AKT3: variants seen among roughly 807,000 people sequenced by gnomAD.
AKT3 encodes the protein AKT serine/threonine kinase 3.
A neutral mutation model predicts 65.3 loss-of-function variants in AKT3; 15 were observed. The observed-to-expected ratio is 0.23, with a 90% CI of 0.15 to 0.35. AKT3 has a LOEUF of 0.35. Ranked by LOEUF, AKT3 falls within the 10% of genes least tolerant of loss-of-function variation. The pLI is 1.00. For synonymous variants in AKT3, 206 were observed against 183.8 expected (o/e 1.12, Z -0.98); for missense variants, 243 against 576.5 (o/e 0.42, Z 5.92).
At chr1:243,848,563 G>C (rs534107186) in intron 1 of AKT3, among the ~76,000 whole-genome samples, 2 of 152,230 alleles carry the variant, frequency 1.3e-5, no homozygotes, top group Admixed American at 1.3e-4. Context: ...CTAAACCAAT[G>C]AGTTTCACTC....
At chr1:243,700,220 T>C (rs1366606824) in intron 2 of AKT3, among the ~76,000 whole-genome samples, 1 of 152,182 alleles carries the variant, frequency 6.6e-6, no homozygotes, top group African/African-American at 2.4e-5. Context: ...TAGCACCTTC[T>C]GAATGCAAAG....
In AKT3 at chr1:243,693,244, A is replaced by ATATATT. The variant is rs1491275951; in HGVS notation, c.172+2346_172+2347insAATATA. On this transcript the variant is annotated intron_variant, in intron 3 of 13. Transcript: ENST00000673466. ...ATATCCCTTTGGTAGCTACAATTTG[A>ATATATT]TATATATATATATATATATATATAT... 4.4e-4 allele frequency among the ~76,000 whole-genome samples: 6 copies of ATATATT among 13,620 alleles called. No individual in the cohort carries two copies. In the East Asian group the frequency reaches 0.017, roughly 39 times the overall value. 8.9% of individuals were successfully genotyped at this position (13,620 alleles called of 152,430 possible).
chr1:243,848,419 A>T (rs1233050275), intron 1 of AKT3, among the ~76,000 whole-genome samples: 1 of 152,222 alleles, frequency 6.6e-6, no homozygotes. Flanking sequence ...TGTTTTAGAC[A>T]ACCACCCCCG....
intron 2 of AKT3, among the ~76,000 whole-genome samples, chr1:243,769,150 T>C (rs1572314754): frequency 6.6e-6 from 1 of 152,308 alleles, no homozygotes; most frequent in East Asian, 1.9e-4. Flanking sequence ...TTCAAGGTTA[T>C]TTCATTTCTT....
chr1:243,649,376 G>GTA (rs1436144491), intron 4 of AKT3, among the ~76,000 whole-genome samples: 34 of 150,222 alleles, frequency 2.3e-4, no homozygotes, highest in Middle Eastern at 3.4e-3. Context: ...GTGTGTGTGT[G>GTA]TGTATATATA....
At chr1:243,547,969 G>T (rs1672791484) in intron 11 of AKT3, 1 of 152,200 alleles carries the variant, frequency 6.6e-6, no homozygotes, top group Non-Finnish European at 1.5e-5. Flanking sequence ...TCTGTGTTCA[G>T]TGAGAGCTCA....
chr1:243,700,652 C>T (rs1685390740), intron 2 of AKT3, among the ~76,000 whole-genome samples: 1 of 152,072 alleles, frequency 6.6e-6, no homozygotes. Context: ...TACAGGTGCG[C>T]ACCACCACAC....
At chr1:243,689,716 A>C (rs1437363907) in intron 3 of AKT3, among the ~76,000 whole-genome samples, 9 of 152,088 alleles carry the variant, frequency 5.9e-5, no homozygotes, top group Admixed American at 5.9e-4. Context: ...GCACTTTGGG[A>C]GGCCAAGGTG....
intron 10 of AKT3, among the ~76,000 whole-genome samples, chr1:243,553,963 CA>C (rs1314480003): frequency 2.0e-5 from 3 of 152,240 alleles, no homozygotes; most frequent in Admixed American, 2.0e-4. Flanking sequence ...ATGAATTTAT[CA>C]ATTTAAAAAC....
chr1:243,739,575 C>T (rs905699078), intron 2 of AKT3: 1 of 152,192 alleles, frequency 6.6e-6, no homozygotes, highest in Non-Finnish European at 1.5e-5. Flanking sequence ...TTGAACAGTA[C>T]AAATGTAGGT....
intron 2 of AKT3, among the ~76,000 whole-genome samples, chr1:243,718,669 T>G (rs1268069882): frequency 6.6e-6 from 1 of 151,872 alleles, no homozygotes; most frequent in African/African-American, 2.4e-5. Flanking sequence ...GAGACGGGGT[T>G]TCACCGTGTT....
intron 8 of AKT3, among the ~76,000 whole-genome samples, chr1:243,592,821 T>C (rs1042151980): frequency 1.3e-5 from 2 of 152,224 alleles, no homozygotes; most frequent in African/African-American, 2.4e-5. Context: ...TCTTCTGTTT[T>C]AAATTTCCTT....
intron 2 of AKT3, among the ~76,000 whole-genome samples, chr1:243,706,018 T>A (rs143369065): frequency 1.3e-3 from 205 of 152,296 alleles, no homozygotes; most frequent in Middle Eastern, 0.01. Flanking sequence ...CTTTAAAACT[T>A]CCTTATTGTA....
chr1:243,568,358 A>G (rs977282594), intron 9 of AKT3, among the ~76,000 whole-genome samples: 1 of 152,130 alleles, frequency 6.6e-6, no homozygotes, highest in African/African-American at 2.4e-5. Flanking sequence ...AAGAAACAAG[A>G]TTGTATATTA....
chr1:243,847,685 T>C (rs890676393), intron 1 of AKT3, among the ~76,000 whole-genome samples: 13 of 152,176 alleles, frequency 8.5e-5, no homozygotes, highest in Non-Finnish European at 1.5e-4. Flanking sequence ...TATTTAGATT[T>C]GCAGTGATTC....
intron 12 of AKT3, among the ~76,000 whole-genome samples, chr1:243,541,499 CT>C (rs1334078284): frequency 1.3e-5 from 2 of 151,930 alleles, no homozygotes; most frequent in Admixed American, 6.6e-5. Flanking sequence ...TTTTCTCCCC[CT>C]ATACTAGTGC....
chr1:243,577,691 G>C (rs989095518), intron 8 of AKT3, among the ~76,000 whole-genome samples: 12 of 152,098 alleles, frequency 7.9e-5, no homozygotes, highest in Admixed American at 6.6e-4. Flanking sequence ...TAATTGACAA[G>C]TGGGATCTAA....
At chr1:243,780,373 A>G (rs1448070451) in intron 2 of AKT3, among the ~76,000 whole-genome samples, 3 of 152,052 alleles carry the variant, frequency 2.0e-5, no homozygotes, top group Non-Finnish European at 2.9e-5. Context: ...ATTATTGGCA[A>G]TATCTGCATA....
intron 6 of AKT3, 42 bp from the exon 7 acceptor site, chr1:243,615,203 C>T (rs539955729): frequency 7.9e-6 from 11 of 1,394,596 alleles, no homozygotes; most frequent in South Asian, 6.1e-5. Flanking sequence ...ATGTTTTGAG[C>T]ACTGATAATA....
Sources: allele counts gnomAD v4.1 joint callset (sites outside exome capture counted in the v4.1 genomes callset), GRCh38; gene constraint gnomAD v4.1.1; transcripts MANE v1.5; gene names NCBI Gene and HGNC (gene_info 2026-07-23, HGNC 2026-07-21).